Variants in MYO5B observed in about 807,000 individuals in gnomAD.
MYO5B encodes the protein unconventional myosin-Vb.
A neutral mutation model predicts 229.3 loss-of-function variants in MYO5B; 143 were observed. The ratio of observed to expected loss-of-function variants is 0.62; its 90% CI spans 0.54 to 0.72. The LOEUF (loss-of-function observed/expected upper bound fraction) is 0.72, where lower values mean the gene tolerates loss of function less well. Ranked by LOEUF, MYO5B falls within the 30% of genes least tolerant of loss-of-function variation. The probability of loss-of-function intolerance (pLI) is 0.00; values close to 1 mark genes in which losing one functional copy is unlikely to be tolerated. For missense variants in MYO5B, 2,321 were observed against 2,331.0 expected (o/e 1.00, Z 0.09); for synonymous variants, 918 against 885.2 (o/e 1.04, Z -0.66).
intron 27 of MYO5B, among the ~76,000 whole-genome samples, chr18:49,869,840 C>G (rs1030507740): frequency 6.6e-6 from 1 of 152,110 alleles, no homozygotes; most frequent in Non-Finnish European, 1.5e-5. Flanking sequence ...TGAGAATCTA[C>G]ATTTCCAGCA....
Position 49,879,944 on chromosome 18 carries a change from G to A in MYO5B, c.3130+427C>T, listed in dbSNP as rs202105392. ...GACAAATGTGAAACCCAGCAATGAC[G>A]ACAGCTCCTGAGCGCTCGCTGAGTG... On this transcript the variant is annotated intron_variant, in intron 23 of 39. Transcript: ENST00000285039. Among the ~76,000 whole-genome samples the A allele has an allele frequency of 8.5e-5, 13 of 152,324 alleles. No individual in the cohort carries two copies. The East Asian group carries it at 1.5e-3, about 18-fold the overall frequency.
intron 12 of MYO5B, among the ~76,000 whole-genome samples, chr18:49,956,129 C>G (rs1249746050): frequency 2.0e-5 from 3 of 152,214 alleles, no homozygotes; most frequent in Admixed American, 2.0e-4. Flanking sequence ...AAGGATCAGT[C>G]TCTCCTTTCA....
intron 14 of MYO5B, among the ~76,000 whole-genome samples, chr18:49,943,972 G>T (rs2025343868): frequency 1.3e-5 from 2 of 152,148 alleles, no homozygotes; most frequent in African/African-American, 4.8e-5. Flanking sequence ...CTATGAAGGA[G>T]CTCTGTGCAT....
In MYO5B at chr18:50,062,741, T is replaced by C. The variant is rs191429236; in HGVS notation, c.28-7363A>G. On this transcript the variant is annotated intron_variant, in intron 1 of 39. Coordinates refer to ENST00000285039, the MANE Select transcript of MYO5B (RefSeq NM_001080467.3). ...AGTGGTGATGATTAGTCCTGCAAAT[T>C]TGGGGAGCCCAAATCAAGAACATTC... Among the ~76,000 whole-genome samples, 16 of 152,250 alleles carry C rather than the reference T, an allele frequency of 1.1e-4. No individual in the cohort carries two copies. The East Asian group carries it at 2.1e-3, about 20-fold the overall frequency.
intron 18 of MYO5B, among the ~76,000 whole-genome samples, chr18:49,907,711 C>T (rs536253429): frequency 3.3e-5 from 5 of 152,378 alleles, no homozygotes; most frequent in African/African-American, 9.6e-5. Flanking sequence ...TACTAGGAGT[C>T]GGGTTCCACA....
At chr18:50,133,262 A>AGT (rs5824826) in intron 1 of MYO5B, among the ~76,000 whole-genome samples, 48,137 of 151,972 alleles carry the variant, frequency 0.32, 8,122 homozygotes, top group Admixed American at 0.46. Context: ...TGTCTTCTCT[A>AGT]GTGCTCTCCT....
Position 49,847,221 on chromosome 18 carries a change from T to G in MYO5B, c.4384A>C (p.Lys1462Gln). 6.2e-7 allele frequency: 1 copy of G among 1,614,136 alleles called. No homozygotes were observed. The highest frequency in any genetic ancestry group is 8.5e-7 in the Non-Finnish European group (1 of 1,180,028). Residue 1462 changes from lysine (K) to glutamine (Q), a missense_variant, in exon 33 of 40, where the codon AAA becomes CAA. By Grantham distance (53) the Lys-to-Gln change is moderately conservative. Coordinates refer to ENST00000285039, the MANE Select transcript of MYO5B (RefSeq NM_001080467.3). ...ELNRQVTVQR[K>Q]EKDFQGMLEY... is the part of the protein sequence containing the mutation. ...AGCATGCCCTGGAAATCCTTCTCTT[T>G]CCGCTGGACCGTGACCTGCCTGTTG...
intron 1 of MYO5B, among the ~76,000 whole-genome samples, chr18:50,059,083 G>A (rs957818843): frequency 1.3e-5 from 2 of 152,098 alleles, no homozygotes; most frequent in South Asian, 2.1e-4. Flanking sequence ...TTTCACATCA[G>A]TTTCACCTCA....
intron 1 of MYO5B, among the ~76,000 whole-genome samples, chr18:50,086,714 C>A (rs2031338067): frequency 6.6e-6 from 1 of 152,098 alleles, no homozygotes; most frequent in South Asian, 2.1e-4. Context: ...TGCCAGCAGT[C>A]GGTTGGATCT....
At chr18:49,883,063 C>G (rs779291194) in intron 22 of MYO5B, among the ~76,000 whole-genome samples, 1 of 152,200 alleles carries the variant, frequency 6.6e-6, no homozygotes, top group Non-Finnish European at 1.5e-5. Flanking sequence ...GATAAAAATT[C>G]CATAGCTCAT....
At chr18:49,966,918 T>G (rs1440011701) in intron 10 of MYO5B, among the ~76,000 whole-genome samples, 1 of 152,208 alleles carries the variant, frequency 6.6e-6, no homozygotes, top group Non-Finnish European at 1.5e-5. Flanking sequence ...TAACTTTTCC[T>G]TTACAATGGA....
chr18:49,921,003 T>C (rs936498314), intron 17 of MYO5B, among the ~76,000 whole-genome samples: 3 of 152,196 alleles, frequency 2.0e-5, no homozygotes, highest in Non-Finnish European at 4.4e-5. Context: ...CAGTTCTCTA[T>C]TATTCTTCCT....
chr18:49,919,194 G>T (rs1275000944), intron 17 of MYO5B, among the ~76,000 whole-genome samples: 1 of 151,880 alleles, frequency 6.6e-6, no homozygotes, highest in Non-Finnish European at 1.5e-5. Context: ...ACTCAAAATG[G>T]ATCAAAGTCC....
intron 29 of MYO5B, among the ~76,000 whole-genome samples, chr18:49,862,017 G>A (rs1229339238): frequency 7.1e-6 from 1 of 140,794 alleles, no homozygotes; most frequent in Non-Finnish European, 1.5e-5. Flanking sequence ...TTTTTTTGGA[G>A]ACACAGTTTT....
intron 1 of MYO5B, among the ~76,000 whole-genome samples, chr18:50,159,079 G>A (rs1005648177): frequency 2.0e-5 from 3 of 152,064 alleles, no homozygotes; most frequent in Non-Finnish European, 4.4e-5. Flanking sequence ...GTTATCCTGG[G>A]GAGACTCCCA....
intron 4 of MYO5B, among the ~76,000 whole-genome samples, chr18:50,007,157 G>T (rs1275624941): frequency 6.6e-6 from 1 of 152,130 alleles, no homozygotes; most frequent in Non-Finnish European, 1.5e-5. Flanking sequence ...CTGTTGGCAG[G>T]CTCTGTGCTT....
chr18:50,133,832 G>A (rs934743690), intron 1 of MYO5B, among the ~76,000 whole-genome samples: 102 of 152,148 alleles, frequency 6.7e-4, no homozygotes, highest in African/African-American at 2.3e-3. Flanking sequence ...CAAAGTTTGA[G>A]AACCATATGG....
chr18:50,162,606 C>T (rs2032783515), intron 1 of MYO5B, among the ~76,000 whole-genome samples: 1 of 152,154 alleles, frequency 6.6e-6, no homozygotes, highest in Non-Finnish European at 1.5e-5. Flanking sequence ...TGGCATATTC[C>T]AAAAGCAAAC....
At chr18:49,931,679 C>T (rs910204234) in intron 16 of MYO5B, among the ~76,000 whole-genome samples, 1 of 152,128 alleles carries the variant, frequency 6.6e-6, no homozygotes, top group African/African-American at 2.4e-5. Context: ...TCTTCATTAC[C>T]AGGGGCGGCA....
Sources: gnomAD v4.1 joint callset for allele counts (sites outside exome capture counted in the v4.1 genomes callset) on GRCh38, gnomAD v4.1.1 for gene constraint, MANE v1.5 for transcripts, NCBI Gene and HGNC (gene_info 2026-07-23, HGNC 2026-07-21) for gene names.